Variants in PTPRM observed in about 807,000 individuals in gnomAD.
PTPRM encodes receptor-type tyrosine-protein phosphatase mu.
Under a neutral mutation model 186.7 loss-of-function variants are expected in PTPRM, and 47 were observed. The observed-to-expected ratio is 0.25, with a 90% confidence interval of 0.20 to 0.32. The LOEUF is 0.32. Among genes scored for constraint, PTPRM ranks in the 10% least tolerant of loss-of-function variants. The pLI is 1.00. For missense variants in PTPRM, 1,494 were observed against 1,865.0 expected, an observed-to-expected ratio of 0.80 and a Z score of 3.66; for synonymous variants, 668 against 674.9, an observed-to-expected ratio of 0.99 and a Z score of 0.16.
chr18:7,657,558 G>A (rs188629990), intron 1 of PTPRM, among the ~76,000 whole-genome samples: 19 of 152,270 alleles, frequency 1.2e-4, no homozygotes, highest in African/African-American at 4.6e-4. Context: ...CAGAATGACA[G>A]AACACACACA....
Position 8,209,842 on chromosome 18 carries a change from G to T in PTPRM, c.2301-34216G>T, listed in dbSNP as rs531675440. ...CTGTCAGGGTGAGGGGTAAGGGGAG[G>T]GAGAGCATTAGGACAAATAACTGAT... On this transcript the variant is annotated intron_variant, in intron 14 of 32. Transcript: ENST00000580170. Among the ~76,000 whole-genome samples the T allele has an allele frequency of 1.3e-3, 195 of 151,904 alleles. 1 individual carries two copies. The highest frequency in any genetic ancestry group is 4.5e-3 in the African/African-American group (188 of 41,400).
At chr18:7,605,971 A>G (rs2037522431) in intron 1 of PTPRM, among the ~76,000 whole-genome samples, 1 of 152,162 alleles carries the variant, frequency 6.6e-6, no homozygotes, top group South Asian at 2.1e-4. Flanking sequence ...GGGGATGAGC[A>G]GGATGTAGGA....
Position 8,270,980 on chromosome 18 carries a change from GAGACTTAAGT to G in PTPRM, c.2754+17570_2754+17579del, listed in dbSNP as rs140289591. On this transcript the variant is annotated intron_variant, in intron 19 of 32. Transcript: ENST00000580170. Reference sequence around the variant, plus strand: ...ACTTATTACATACTTGAAATTTGCTGAGACTTAAGTAGATCTTAAATGTTCTCACCACACA... The same window carrying G: ...ACTTATTACATACTTGAAATTTGCTGAGATCTTAAATGTTCTCACCACACA... Among the ~76,000 whole-genome samples the G allele has an allele frequency of 5.0e-3, 766 of 152,206 alleles. 1 individual carries two copies. The highest frequency in any genetic ancestry group is 0.018 in the African/African-American group (739 of 41,558).
chr18:8,364,677 A>G (rs920737170), intron 23 of PTPRM, among the ~76,000 whole-genome samples: 11 of 152,168 alleles, frequency 7.2e-5, no homozygotes, highest in Admixed American at 2.6e-4. Context: ...AAGTATGGAT[A>G]CTCGGTTTGG....
intron 1 of PTPRM, among the ~76,000 whole-genome samples, chr18:7,674,472 G>A (rs537990266): frequency 7.2e-4 from 110 of 152,262 alleles, no homozygotes; most frequent in African/African-American, 2.5e-3. Flanking sequence ...GAAGCATGTT[G>A]GGAGGAAGAT....
intron 1 of PTPRM, among the ~76,000 whole-genome samples, chr18:7,743,987 T>C (rs1487639582): frequency 6.6e-6 from 1 of 152,194 alleles, no homozygotes; most frequent in Non-Finnish European, 1.5e-5. Context: ...ACTTAGATTT[T>C]TCCACAATTA....
chr18:8,197,567 G>A (rs1480276738), intron 14 of PTPRM, among the ~76,000 whole-genome samples: 3 of 152,224 alleles, frequency 2.0e-5, no homozygotes, highest in African/African-American at 7.2e-5. Flanking sequence ...TTTATTGGGA[G>A]TCGGTATTGG....
intron 2 of PTPRM, among the ~76,000 whole-genome samples, chr18:7,860,886 T>C (rs1273485169): frequency 2.0e-5 from 3 of 152,246 alleles, no homozygotes; most frequent in Non-Finnish European, 2.9e-5. Flanking sequence ...TTTCTGCTCC[T>C]ACCATTTCAA....
intron 3 of PTPRM, among the ~76,000 whole-genome samples, chr18:7,897,472 G>A (rs952419282): frequency 6.6e-6 from 1 of 152,154 alleles, no homozygotes; most frequent in Non-Finnish European, 1.5e-5. Flanking sequence ...TCTAGTAGGT[G>A]CCGCAATACT....
intron 2 of PTPRM, among the ~76,000 whole-genome samples, chr18:7,861,455 C>A (rs2047376247): frequency 6.6e-6 from 1 of 152,162 alleles, no homozygotes; most frequent in Non-Finnish European, 1.5e-5. Context: ...CAGGACTTTG[C>A]AGGTGACAGC....
intron 7 of PTPRM, among the ~76,000 whole-genome samples, chr18:8,016,530 C>CAAAAAAAAAAAAA (rs563624187): frequency 1.4e-5 from 1 of 70,204 alleles, no homozygotes. Flanking sequence ...AAGAGTCTGT[C>CAAAAAAAAAAAAA]AAAAAAAAAA....
chr18:8,127,320 A>C (rs2092392951), intron 13 of PTPRM, among the ~76,000 whole-genome samples: 1 of 151,960 alleles, frequency 6.6e-6, no homozygotes, highest in Non-Finnish European at 1.5e-5. Flanking sequence ...GAATGCTTAG[A>C]ATCCCTTCCA....
intron 3 of PTPRM, among the ~76,000 whole-genome samples, chr18:7,894,608 TA>T (rs370074791): frequency 1.3e-5 from 2 of 148,552 alleles, no homozygotes; most frequent in African/African-American, 5.0e-5. Context: ...TATATATATA[TA>T]TTTTTTAATA....
At position 8,253,333 on chromosome 18, in the gene PTPRM, C is replaced by T. The variant is rs199839198; in HGVS notation, c.2673C>T (p.Pro891=). 1.9e-5 allele frequency: 31 copies of T among 1,598,050 alleles called. No individual in the cohort carries two copies. In the African/African-American group the frequency reaches 2.8e-4, roughly 15 times the overall value. Reference sequence around the variant, plus strand: ...CCTATCAGACTGGGCAGCTCCACCCCGCCATCCGGGTGGCAGACCTCCTTC... The same window carrying T: ...CCTATCAGACTGGGCAGCTCCACCCTGCCATCCGGGTGGCAGACCTCCTTC... The part of the protein sequence containing the change: ...DVPYQTGQLH[P]AIRVADLLQH... The change falls in exon 19 of 33, where the codon CCC becomes CCT. Residue 891 remains proline (P), a synonymous_variant. Coordinates refer to ENST00000580170, the MANE Select transcript of PTPRM (RefSeq NM_001105244.2).
At chr18:8,044,379 G>T (rs1316513807) in intron 7 of PTPRM, among the ~76,000 whole-genome samples, 7 of 152,192 alleles carry the variant, frequency 4.6e-5, no homozygotes, top group African/African-American at 1.7e-4. Context: ...CCATCCCTAG[G>T]TGGGAGTGCA....
chr18:7,877,489 A>G (rs2048304331), intron 2 of PTPRM, among the ~76,000 whole-genome samples: 1 of 152,184 alleles, frequency 6.6e-6, no homozygotes. Context: ...GCTAAGTTCA[A>G]ATACATTTGG....
chr18:7,668,977 A>G lies in PTPRM; in HGVS notation c.73+101086A>G, dbSNP rs1166749288. Among the ~76,000 whole-genome samples the G allele has an allele frequency of 2.0e-5, 3 of 152,030 alleles. No homozygotes were observed. The highest frequency in any genetic ancestry group is 7.2e-5 in the African/African-American group (3 of 41,406). On this transcript the variant is annotated intron_variant, in intron 1 of 32. Transcript: ENST00000580170. This position sits in a 1 kb window ranked among gnomAD's most constrained non-coding sequence, Gnocchi z 4.7. ...CTTAGACCAGTGCCTGGCACATAGT[A>G]GGAGCTCTATAAACATTTGTTGAAT... is the stretch of plus-strand genomic sequence containing the variant.
chr18:7,726,161 C>T (rs2040545517), intron 1 of PTPRM, among the ~76,000 whole-genome samples: 1 of 152,178 alleles, frequency 6.6e-6, no homozygotes, highest in Admixed American at 6.5e-5. Context: ...GAGTGCACTC[C>T]ATTTCCCGCC....
Position 8,143,776 on chromosome 18 carries a change from A to G in PTPRM, c.2297A>G (p.Lys766Arg). The G allele has an allele frequency of 6.2e-7, 1 of 1,614,106 alleles. No individual in the cohort carries two copies. The highest frequency in any genetic ancestry group is 8.5e-7 in the Non-Finnish European group (1 of 1,179,960). The change falls in exon 14 of 33, where the codon AAA (lysine) becomes AGA (arginine). Residue 766 changes from lysine (K) to arginine (R), a missense_variant. Physicochemically the swap from Lys to Arg is conservative, Grantham distance 26. Coordinates refer to ENST00000580170, the MANE Select transcript of PTPRM (RefSeq NM_001105244.2). Reference protein sequence around the residue: ...IFLGVVLVMKKRKLAKKRKET... With the variant: ...IFLGVVLVMKRRKLAKKRKET... ...CTTGGAGTTGTGTTGGTAATGAAGA[A>G]AAGGTGAGCTCCTAGCTGTTGCCAA...
Sources: gnomAD v4.1 joint callset for allele counts (sites outside exome capture counted in the v4.1 genomes callset) on GRCh38, gnomAD v4.1.1 for gene constraint, Gnocchi (gnomAD v3.1) non-coding constraint, MANE v1.5 for transcripts, NCBI Gene and HGNC (gene_info 2026-07-23, HGNC 2026-07-21) for gene names.